Variants in GALNT17 observed in about 807,000 individuals in gnomAD.
GALNT17 encodes the protein UDP-GalNAc:polypeptide N-acetylgalactosaminyltransferase-like 3.
GALNT17 carries 29 observed loss-of-function variants against 63.7 expected under a neutral mutation model. The observed-to-expected ratio is 0.46, with a 90% CI of 0.34 to 0.62. GALNT17 has a LOEUF of 0.62. GALNT17 is among the 20% of genes least tolerant of loss of function. The probability of loss-of-function intolerance (pLI) is 0.01; values close to 1 mark genes in which losing one functional copy is unlikely to be tolerated. For synonymous variants in GALNT17, 305 were observed against 318.3 expected (o/e 0.96, Z 0.45); for missense variants, 603 against 799.6 (o/e 0.75, Z 2.97).
chr7:71,426,159 T>C (rs2116470148), intron 5 of GALNT17, among the ~76,000 whole-genome samples: 1 of 152,144 alleles, frequency 6.6e-6, no homozygotes, highest in South Asian at 2.1e-4. Context: ...CAACATGAGA[T>C]TTGGGCGGGG....
At chr7:71,324,062 G>A (rs549972552) in intron 1 of GALNT17, among the ~76,000 whole-genome samples, 1 of 152,312 alleles carries the variant, frequency 6.6e-6, no homozygotes, top group East Asian at 1.9e-4. Flanking sequence ...ACCATCAGAG[G>A]AAGGTTTGGG....
chr7:71,436,800 A>T (rs1361468517), intron 5 of GALNT17, among the ~76,000 whole-genome samples: 1 of 152,214 alleles, frequency 6.6e-6, no homozygotes, highest in Non-Finnish European at 1.5e-5. Flanking sequence ...ACTCTGAATG[A>T]AAACAACTGC....
intron 2 of GALNT17, among the ~76,000 whole-genome samples, chr7:71,353,423 A>T (rs1277413773): frequency 6.6e-6 from 1 of 152,186 alleles, no homozygotes; most frequent in Non-Finnish European, 1.5e-5. Flanking sequence ...CAGTTGTCTC[A>T]ATAATGTCCT....
chr7:71,540,304 A>T (rs767580659), intron 5 of GALNT17, among the ~76,000 whole-genome samples: 1 of 150,140 alleles, frequency 6.7e-6, no homozygotes, highest in Non-Finnish European at 1.5e-5. Context: ...TTTAGGAGAG[A>T]CTGGATTTCA....
intron 1 of GALNT17, among the ~76,000 whole-genome samples, chr7:71,193,739 C>G (rs139217168): frequency 5.9e-5 from 9 of 152,136 alleles, no homozygotes; most frequent in African/African-American, 2.2e-4. Context: ...TAATTTGTGT[C>G]AGAAAATAGC....
intron 1 of GALNT17, among the ~76,000 whole-genome samples, chr7:71,263,487 A>G (rs1260035151): frequency 4.6e-5 from 7 of 152,188 alleles, no homozygotes; most frequent in Non-Finnish European, 7.3e-5. Context: ...TGTTATGGCA[A>G]TGCTAGCAAA....
At chr7:71,300,156 C>A (rs1163583994) in intron 1 of GALNT17, among the ~76,000 whole-genome samples, 2 of 152,134 alleles carry the variant, frequency 1.3e-5, no homozygotes, top group African/African-American at 4.8e-5. Flanking sequence ...GGAGGGGGAA[C>A]AATGACTGCC....
rs1459062611 is a variant in GALNT17 at position 71,388,541 on chromosome 7, T to C, written c.589+140T>C. On this transcript the variant is annotated intron_variant, in intron 3 of 10. Coordinates refer to ENST00000333538, the MANE Select transcript of GALNT17 (RefSeq NM_022479.3). ...GAAGGGATATTTTTTCTTTTTCTTT[T>C]TTTGAGATGGAGTCTTGCTGTGTCG... 2.7e-6 allele frequency: 3 copies of C among 1,099,898 alleles called. No individual in the cohort carries two copies. In the Admixed American group the frequency reaches 8.5e-5, roughly 31 times the overall value. 68.1% of individuals were successfully genotyped at this position (1,099,898 alleles called of 1,614,324 possible).
At position 71,707,162 on chromosome 7, in the gene GALNT17, T is replaced by A. The variant is rs925704724; in HGVS notation, c.1501-3599T>A. Among the ~76,000 whole-genome samples, 263 of 152,310 alleles carry A rather than the reference T, an allele frequency of 1.7e-3. 1 individual carries two copies. Among genetic ancestry groups the A allele is most frequent in the Non-Finnish European group, 3.1e-3 (213 of 68,022 alleles). ...ATGGTTAGAAATGATGCAGAGTATT[T>A]TTTTTTAATTTATTAGGCAACAGCT... is the stretch of plus-strand genomic sequence containing the variant. On this transcript the variant is annotated intron_variant, in intron 9 of 10. Coordinates refer to ENST00000333538, the MANE Select transcript of GALNT17 (RefSeq NM_022479.3).
intron 5 of GALNT17, among the ~76,000 whole-genome samples, chr7:71,485,150 G>T (rs1053053582): frequency 3.3e-5 from 5 of 150,722 alleles, no homozygotes; most frequent in Admixed American, 2.0e-4. Context: ...CTGTTGCTCA[G>T]GCTGGAGTGC....
At chr7:71,349,032 G>T (rs1350043436) in intron 2 of GALNT17, among the ~76,000 whole-genome samples, 1 of 152,216 alleles carries the variant, frequency 6.6e-6, no homozygotes, top group Non-Finnish European at 1.5e-5. Context: ...ATTATACTCC[G>T]ATTCGTTCAG....
At chr7:71,445,929 T>C (rs751752210) in intron 5 of GALNT17, among the ~76,000 whole-genome samples, 1 of 152,208 alleles carries the variant, frequency 6.6e-6, no homozygotes, top group African/African-American at 2.4e-5. Context: ...CACTGCCTTA[T>C]AGTATTTTCT....
chr7:71,608,325 C>T (rs1184474139), intron 6 of GALNT17, among the ~76,000 whole-genome samples: 5 of 152,056 alleles, frequency 3.3e-5, no homozygotes, highest in African/African-American at 9.7e-5. Flanking sequence ...ACTTGCCACT[C>T]ATGCAGTTGC....
chr7:71,303,055 G>A (rs1791229437), intron 1 of GALNT17, among the ~76,000 whole-genome samples: 1 of 152,038 alleles, frequency 6.6e-6, no homozygotes, highest in Non-Finnish European at 1.5e-5. Context: ...AGTAGAGACA[G>A]GGTTTCACCA....
chr7:71,534,971 G>C (rs1210983349), intron 5 of GALNT17, among the ~76,000 whole-genome samples: 1 of 152,108 alleles, frequency 6.6e-6, no homozygotes, highest in Non-Finnish European at 1.5e-5. Flanking sequence ...GGTTGTTTCT[G>C]GGAGTTTCAG....
chr7:71,164,204 G>A (rs140505077), intron 1 of GALNT17, among the ~76,000 whole-genome samples: 215 of 152,294 alleles, frequency 1.4e-3, no homozygotes, highest in African/African-American at 4.8e-3. Context: ...GATACTACCC[G>A]AGACTGCATT....
chr7:71,162,778 A>G (rs1788372436), intron 1 of GALNT17, among the ~76,000 whole-genome samples: 1 of 152,110 alleles, frequency 6.6e-6, no homozygotes, highest in Admixed American at 6.6e-5. Context: ...AGGAGAGAGA[A>G]CTCCACCAGA....
At chr7:71,395,991 CTCA>C (rs953674091) in intron 3 of GALNT17, among the ~76,000 whole-genome samples, 4 of 152,076 alleles carry the variant, frequency 2.6e-5, no homozygotes, top group Non-Finnish European at 5.9e-5. Flanking sequence ...TCTCTTTATA[CTCA>C]TCTTTATCAA....
At chr7:71,134,701 G>A (rs981068517) in intron 1 of GALNT17, among the ~76,000 whole-genome samples, 6 of 152,020 alleles carry the variant, frequency 3.9e-5, no homozygotes, top group African/African-American at 1.4e-4. Flanking sequence ...AGAAACTTAC[G>A]GGGTGGCCTT....
Sources: allele counts gnomAD v4.1 joint callset (sites outside exome capture counted in the v4.1 genomes callset), GRCh38; gene constraint gnomAD v4.1.1; transcripts MANE v1.5; gene names NCBI Gene and HGNC (gene_info 2026-07-23, HGNC 2026-07-21).